PTPRD: variants seen among roughly 807,000 people sequenced by gnomAD.
PTPRD encodes receptor-type tyrosine-protein phosphatase delta.
Under a neutral mutation model 214.5 loss-of-function variants are expected in PTPRD, and 34 were observed. The observed-to-expected ratio is 0.16, with a 90% CI of 0.12 to 0.21. The LOEUF is 0.21. Ranked by LOEUF, PTPRD falls within the 10% of genes least tolerant of loss-of-function variation. PTPRD has a pLI of 1.00. For missense variants in PTPRD, 2,545 were observed against 2,398.7 expected (o/e 1.06, Z -1.27); for synonymous variants, 1,128 against 845.7 (o/e 1.33, Z -5.79).
chr9:8,376,849 G>T (rs912582884), intron 37 of PTPRD, 123 bp from the exon 38 acceptor site: 3 of 1,337,598 alleles, frequency 2.2e-6, no homozygotes, highest in Admixed American at 4.4e-5. Flanking sequence ...TCTTTTTCTG[G>T]CATGCATTTT....
chr9:8,349,505 T>C (rs897947328), intron 39 of PTPRD, among the ~76,000 whole-genome samples: 1 of 152,198 alleles, frequency 6.6e-6, no homozygotes, highest in South Asian at 2.1e-4. Flanking sequence ...ATTGCAGTGA[T>C]AATGACGGAA....
chr9:9,054,791 T>C (rs572613256), intron 10 of PTPRD, among the ~76,000 whole-genome samples: 6 of 152,292 alleles, frequency 3.9e-5, no homozygotes, highest in African/African-American at 1.4e-4. Flanking sequence ...CTTGATGAGA[T>C]CACAGTCCTG....
intron 11 of PTPRD, among the ~76,000 whole-genome samples, chr9:8,985,677 G>C (rs1340816235): frequency 3.3e-5 from 5 of 151,762 alleles, no homozygotes; most frequent in African/African-American, 2.4e-5. Context: ...GGTGTTAGGT[G>C]GTAAAGCTGG....
chr9:8,338,202 A>G lies in PTPRD; in HGVS notation c.5379+720T>C, dbSNP rs548624491. Reference sequence around the variant, plus strand: ...GTTCCAAACACAAGGCAGGTCTTTGAACTGACCTGGTCTCCCTTAAGATGT... The same window carrying G: ...GTTCCAAACACAAGGCAGGTCTTTGGACTGACCTGGTCTCCCTTAAGATGT... On this transcript the variant is annotated intron_variant, in intron 43 of 45. Transcript: ENST00000381196. Among the ~76,000 whole-genome samples the G allele has an allele frequency of 5.3e-5, 8 of 152,156 alleles. No homozygotes were observed. In the East Asian group the frequency reaches 1.6e-3, roughly 30 times the overall value.
intron 6 of PTPRD, among the ~76,000 whole-genome samples, chr9:9,764,986 G>A (rs904010626): frequency 6.6e-6 from 1 of 152,162 alleles, no homozygotes; most frequent in African/African-American, 2.4e-5. Flanking sequence ...ATTGTGCTAT[G>A]TTTGATTAAG....
chr9:9,303,610 A>C (rs1349874982), intron 9 of PTPRD, among the ~76,000 whole-genome samples: 1 of 152,098 alleles, frequency 6.6e-6, no homozygotes, highest in Non-Finnish European at 1.5e-5. Flanking sequence ...CCTATCATCT[A>C]CAATTAGATT....
chr9:9,494,151 G>C lies in PTPRD; in HGVS notation c.-237+80581C>G, dbSNP rs1341991674. Among the ~76,000 whole-genome samples, 3 of 152,164 alleles carry C rather than the reference G, an allele frequency of 2.0e-5. No homozygotes were observed. The East Asian group carries it at 5.8e-4, about 29-fold the overall frequency. On this transcript the variant is annotated intron_variant, in intron 8 of 45. Transcript: ENST00000381196. ...ACCTCATGATAAAACTTGAATACAT[G>C]AGGAGTTGCTTCTTATAAGTGAGCA...
intron 9 of PTPRD, among the ~76,000 whole-genome samples, chr9:9,314,180 A>C (rs994597123): frequency 6.6e-6 from 1 of 152,128 alleles, no homozygotes; most frequent in African/African-American, 2.4e-5. Flanking sequence ...TTTCATAATG[A>C]GATTTATTGT....
intron 2 of PTPRD, among the ~76,000 whole-genome samples, chr9:10,573,240 TG>T (rs1384676791): frequency 6.6e-6 from 1 of 152,248 alleles, no homozygotes; most frequent in African/African-American, 2.4e-5. Context: ...TACATTTTGA[TG>T]TTTTTTTACT....
At chr9:9,642,227 G>A (rs1382893462) in intron 7 of PTPRD, among the ~76,000 whole-genome samples, 4 of 136,104 alleles carry the variant, frequency 2.9e-5, no homozygotes, top group Non-Finnish European at 6.2e-5. Flanking sequence ...AGATCACATG[G>A]ACACATGAAG....
At chr9:10,253,165 T>C (rs555064518) in intron 3 of PTPRD, among the ~76,000 whole-genome samples, 145 of 152,280 alleles carry the variant, frequency 9.5e-4, no homozygotes, top group African/African-American at 3.4e-3. Flanking sequence ...ATTAAAAAAA[T>C]TTCTGATATG....
intron 2 of PTPRD, among the ~76,000 whole-genome samples, chr9:10,523,632 G>C (rs1192788887): frequency 2.9e-5 from 1 of 34,880 alleles, no homozygotes; most frequent in East Asian, 1.3e-3. Flanking sequence ...TAGACAGAAA[G>C]AAAGGGAGAG....
chr9:9,410,225 T>G (rs951596362), intron 8 of PTPRD, among the ~76,000 whole-genome samples: 7 of 152,168 alleles, frequency 4.6e-5, no homozygotes, highest in Admixed American at 3.3e-4. Flanking sequence ...CCATATGGTA[T>G]TTCAGTAATG....
intron 21 of PTPRD, among the ~76,000 whole-genome samples, chr9:8,509,615 C>T (rs550545834): frequency 1.1e-4 from 17 of 152,266 alleles, no homozygotes; most frequent in Non-Finnish European, 2.2e-4. Context: ...AATAAATTGA[C>T]ATTGATTGAA....
chr9:9,403,588 G>A (rs972793831), intron 8 of PTPRD, among the ~76,000 whole-genome samples: 2 of 151,816 alleles, frequency 1.3e-5, no homozygotes, highest in African/African-American at 4.8e-5. Flanking sequence ...TTAACCATGT[G>A]ATAAATCCAG....
intron 11 of PTPRD, among the ~76,000 whole-genome samples, chr9:8,818,899 C>T (rs981350896): frequency 7.9e-5 from 12 of 152,236 alleles, no homozygotes; most frequent in African/African-American, 1.7e-4. Context: ...CAATTACTCC[C>T]GAAGAGTTCC....
rs190268948 is a variant in PTPRD, at chr9:9,313,403, G to T, written c.-203+84046C>A. On this transcript the variant is annotated intron_variant, in intron 9 of 45. Transcript: ENST00000381196. ...AAAACAGATAATTATCTATTGTCTTGAGTTCACCTGGAAATAAAGAATTAG... is the reference window on the plus strand; with the variant it reads ...AAAACAGATAATTATCTATTGTCTTTAGTTCACCTGGAAATAAAGAATTAG... 3.6e-3 allele frequency among the ~76,000 whole-genome samples: 544 copies of T among 152,252 alleles called. 2 individuals carry two copies. Among genetic ancestry groups the T allele is most frequent in the Non-Finnish European group, 5.8e-3 (397 of 68,010 alleles).
intron 5 of PTPRD, among the ~76,000 whole-genome samples, chr9:9,779,968 A>G (rs1387247284): frequency 6.6e-6 from 1 of 152,184 alleles, no homozygotes; most frequent in Non-Finnish European, 1.5e-5. Context: ...TATGTTCATC[A>G]TTGTGTCATT....
At chr9:8,761,548 C>T (rs2094415107) in intron 11 of PTPRD, among the ~76,000 whole-genome samples, 1 of 152,070 alleles carries the variant, frequency 6.6e-6, no homozygotes, top group Admixed American at 6.6e-5. Context: ...CCCAGGGTTG[C>T]AGCACAGAAA....
Sources: allele counts gnomAD v4.1 joint callset (sites outside exome capture counted in the v4.1 genomes callset), GRCh38; gene constraint gnomAD v4.1.1; transcripts MANE v1.5; gene names NCBI Gene and HGNC (gene_info 2026-07-23, HGNC 2026-07-21).